ADGRB2: variants seen among roughly 807,000 people sequenced by gnomAD.
ADGRB2 encodes adhesion G protein-coupled receptor B2, also known as brain-specific angiogenesis inhibitor 2.
A neutral mutation model predicts 178.7 loss-of-function variants in ADGRB2; 47 were observed. That is an observed-to-expected ratio of 0.26 (90% CI 0.21 to 0.34). ADGRB2 has a LOEUF of 0.34. Ranked by LOEUF, ADGRB2 falls within the 10% of genes least tolerant of loss-of-function variation. The pLI is 1.00. For missense variants in ADGRB2, 1,584 were observed against 2,180.8 expected (o/e 0.73, Z 5.45); for synonymous variants, 870 against 912.4 (o/e 0.95, Z 0.84).
At chr1:31,731,832 G>C (rs879846673) in intron 28 of ADGRB2, among the ~76,000 whole-genome samples, 1 of 152,160 alleles carries the variant, frequency 6.6e-6, no homozygotes, top group East Asian at 1.9e-4. Flanking sequence ...CTAAGAACTC[G>C]ATGTCCCCGA....
At position 31,735,816 on chromosome 1, in the gene ADGRB2, C is replaced by A; in HGVS notation, c.3267+11G>T. 1.2e-6 allele frequency: 2 copies of A among 1,608,584 alleles called. No individual in the cohort carries two copies. Among genetic ancestry groups the A allele is most frequent in the Non-Finnish European group, 1.7e-6 (2 of 1,177,030 alleles). On this transcript the variant is annotated intron_variant, in intron 23 of 32. Transcript: ENST00000373658. The surrounding 1 kb of genome is among the most constrained non-coding windows in gnomAD (Gnocchi z 6.0). ...GCCATGCCCCTTCCAAGATGCTGAA[C>A]GGGCACATACCAGGACAATGACGGC... is the stretch of plus-strand genomic sequence containing the variant.
Position 31,754,417 on chromosome 1 carries a change from G to A in ADGRB2, c.838+1582C>T, listed in dbSNP as rs147153115. 7.9e-5 allele frequency among the ~76,000 whole-genome samples: 12 copies of A among 152,376 alleles called. No individual in the cohort carries two copies. In the East Asian group the frequency reaches 2.1e-3, roughly 27 times the overall value. ...GCACGATGGGGGAGACCCCCACAGA[G>A]TGACAGGCAGTGGTGGCCATGCAGG... On this transcript the variant is annotated intron_variant, in intron 4 of 32. Transcript: ENST00000373658. This position sits in a 1 kb window ranked among gnomAD's most constrained non-coding sequence, Gnocchi z 5.7.
At position 31,741,862 on chromosome 1, in the gene ADGRB2, T is replaced by C. The variant is rs772910124; in HGVS notation, c.1523A>G (p.Gln508Arg). 3.0e-5 allele frequency: 48 copies of C among 1,610,336 alleles called. No individual in the cohort carries two copies. Among genetic ancestry groups the C allele is most frequent in the Non-Finnish European group, 4.0e-5 (47 of 1,177,468 alleles). The change falls in exon 9 of 33, where the codon CAG becomes CGG. Residue 508 changes from glutamine to arginine, a missense_variant. Gln to Arg is a conservative substitution (Grantham distance 43). Transcript: ENST00000373658. This position sits in a 1 kb window ranked among gnomAD's most constrained non-coding sequence, Gnocchi z 6.5. Reference protein sequence around the residue: ...RFRMCQATGTQGYPCEGTGEE... With the variant: ...RFRMCQATGTRGYPCEGTGEE... ...TCCGGTGCCCTCGCAGGGGTAGCCC[T>C]GCGTGCCCGTGGCCTGGCACATGCG... is the stretch of plus-strand genomic sequence containing the variant.
At chr1:31,736,552 T>G (rs982779423) in intron 21 of ADGRB2, 21 bp downstream of exon 21, 7 of 1,611,762 alleles carry the variant, frequency 4.3e-6, no homozygotes, top group Non-Finnish European at 5.9e-6. Flanking sequence ...AGCAGCAGAG[T>G]CCAGCACTGG....
At chr1:31,748,873 T>TC (rs1470238625) in intron 4 of ADGRB2, among the ~76,000 whole-genome samples, 5 of 152,342 alleles carry the variant, frequency 3.3e-5, no homozygotes, top group Non-Finnish European at 5.9e-5. Flanking sequence ...CATTTCATCC[T>TC]CATCAGGGCT....
At position 31,744,058 on chromosome 1, in the gene ADGRB2, G is replaced by A. The variant is rs1448343820; in HGVS notation, c.1087+135C>T. The A allele has an allele frequency of 1.7e-6, 2 of 1,181,760 alleles. No homozygotes were observed. The highest frequency in any genetic ancestry group is 3.1e-5 in the African/African-American group (2 of 64,242). 73.2% of individuals were successfully genotyped at this position (1,181,760 alleles called of 1,614,324 possible). A position where few individuals can be genotyped will look rare whatever the true frequency, so the allele number is the denominator to read the frequency against. On this transcript the variant is annotated intron_variant, in intron 6 of 32. Transcript: ENST00000373658. The surrounding 1 kb of genome is among the most constrained non-coding windows in gnomAD (Gnocchi z 6.7). ...CGGGCTGGCATGGTACGCAGAGTTG[G>A]GCATGGTGTGGGGAACAGCCACATT...
Position 31,764,307 on chromosome 1 carries a change from C to A in ADGRB2, c.-614G>T. 6.4e-6 allele frequency: 1 copy of A among 155,722 alleles called. No individual in the cohort carries two copies. The highest frequency in any genetic ancestry group is 1.9e-4 in the South Asian group (1 of 5,174). The allele number at this position is 155,722 out of a possible 1,614,324, so 9.6% of individuals were successfully genotyped here. ...GCCGAACCCGGTTCCTCCGGCCGCT[C>A]CGGCCGCTGCCCGCAGCGCGCGCCG... On this transcript the variant is annotated 5_prime_UTR_variant, in exon 1 of 33. Transcript: ENST00000373658. This position sits in a 1 kb window ranked among gnomAD's most constrained non-coding sequence, Gnocchi z 7.3.
rs1160769437 is a variant in ADGRB2, at chr1:31,758,053, G to A, written c.-190-542C>T. ...GGCTGTGTCACTGCCCACAGCCTGC[G>A]CAACCTCTACCCAACTGCCCAGAAA... On this transcript the variant is annotated intron_variant, in intron 1 of 32. Coordinates refer to ENST00000373658, the MANE Select transcript of ADGRB2 (RefSeq NM_001364857.2). This position sits in a 1 kb window ranked among gnomAD's most constrained non-coding sequence, Gnocchi z 4.2. Among the ~76,000 whole-genome samples the A allele has an allele frequency of 2.6e-5, 4 of 152,136 alleles. No individual in the cohort carries two copies. The highest frequency in any genetic ancestry group is 6.5e-5 in the Admixed American group (1 of 15,274).
At position 31,764,191 on chromosome 1, in the gene ADGRB2, C is replaced by T; in HGVS notation, c.-498G>A. 2.7e-6 allele frequency: 1 copy of T among 369,954 alleles called. No homozygotes were observed. The allele number at this position is 369,954 out of a possible 1,614,324, so 22.9% of individuals were successfully genotyped here. A position where few individuals can be genotyped will look rare whatever the true frequency, so the allele number is the denominator to read the frequency against. Reference sequence around the variant, plus strand: ...CCCCGAGCACCGCCCGCGCCGCGCGCCGCCTCCTATTTGCGGGCGGCGGCC... The same window carrying T: ...CCCCGAGCACCGCCCGCGCCGCGCGTCGCCTCCTATTTGCGGGCGGCGGCC... On this transcript the variant is annotated 5_prime_UTR_variant, in exon 1 of 33. Transcript: ENST00000373658. The surrounding 1 kb of genome is among the most constrained non-coding windows in gnomAD (Gnocchi z 7.3).
intron 1 of ADGRB2, among the ~76,000 whole-genome samples, chr1:31,763,114 G>T (rs918874838): frequency 6.6e-6 from 1 of 152,176 alleles, no homozygotes; most frequent in African/African-American, 2.4e-5. Flanking sequence ...AGGGATGGGG[G>T]ATGGACAGAT....
intron 4 of ADGRB2, among the ~76,000 whole-genome samples, chr1:31,745,640 A>G (rs1374709691): frequency 6.6e-6 from 1 of 152,232 alleles, no homozygotes; most frequent in African/African-American, 2.4e-5. Flanking sequence ...CTGCATGAGC[A>G]GGTGGGACTG....
chr1:31,740,913 A>G lies in ADGRB2; in HGVS notation c.1795-372T>C, dbSNP rs1645921461. 6.6e-6 allele frequency among the ~76,000 whole-genome samples: 1 copy of G among 150,752 alleles called. No homozygotes were observed. The highest frequency in any genetic ancestry group is 2.5e-5 in the African/African-American group (1 of 40,726). ...CGCGCGCGCACACACACACACACACACACACACACACACTGTCTTTCTCTC... is the reference window on the plus strand; with the variant it reads ...CGCGCGCGCACACACACACACACACGCACACACACACACTGTCTTTCTCTC... On this transcript the variant is annotated intron_variant, in intron 11 of 32. Coordinates refer to ENST00000373658, the MANE Select transcript of ADGRB2 (RefSeq NM_001364857.2). This position sits in a 1 kb window ranked among gnomAD's most constrained non-coding sequence, Gnocchi z 5.9.
rs555728697 is a variant in ADGRB2 at position 31,759,154 on chromosome 1, T to C, written c.-190-1643A>G. Reference sequence around the variant, plus strand: ...ATGAGGGCACAGATGTTCACAGGAGTTCTGCATATGAATGGATACATATGT... The same window carrying C: ...ATGAGGGCACAGATGTTCACAGGAGCTCTGCATATGAATGGATACATATGT... On this transcript the variant is annotated intron_variant, in intron 1 of 32. Transcript: ENST00000373658. This position sits in a 1 kb window ranked among gnomAD's most constrained non-coding sequence, Gnocchi z 4.3. Among the ~76,000 whole-genome samples, 1 of 152,046 alleles carries C rather than the reference T, an allele frequency of 6.6e-6. No homozygotes were observed. The highest frequency in any genetic ancestry group is 2.1e-4 in the South Asian group (1 of 4,808).
In ADGRB2 at chr1:31,739,341, T is replaced by C. The variant is rs1256786567; in HGVS notation, c.2462A>G (p.Tyr821Cys). The C allele has an allele frequency of 6.8e-7, 1 of 1,465,686 alleles. No individual in the cohort carries two copies. Among genetic ancestry groups the C allele is most frequent in the Non-Finnish European group, 9.0e-7 (1 of 1,106,098 alleles). 90.8% of individuals were successfully genotyped at this position (1,465,686 alleles called of 1,614,324 possible). The change falls in exon 15 of 33, where the codon TAC becomes TGC. Residue 821 changes from tyrosine (Y) to cysteine (C), a missense_variant. Physicochemically the swap from Tyr to Cys is radical, Grantham distance 194. Around this residue, in one of 3 missense-constraint regions of ADGRB2, gnomAD observed 865 missense variants for 1,192.8 expected, o/e 0.73. Transcript: ENST00000373658. Reference protein sequence around the residue: ...SSYFVIGAVLYRTLGLILPPP... With the variant: ...SSYFVIGAVLCRTLGLILPPP... ...CGGCAGGATGAGGCCAAGGGTGCGG[T>C]AGAGTACAGCACCGATCACAAAGTA...
chr1:31,743,403 G>A (rs1004840798), intron 6 of ADGRB2: 34 of 172,192 alleles, frequency 2.0e-4, no homozygotes, highest in African/African-American at 6.7e-4. Flanking sequence ...CAGTCCGGGG[G>A]CAAGAGAAGC....
Position 31,733,122 on chromosome 1 carries a change from G to A in ADGRB2, c.3474C>T (p.Cys1158=), listed in dbSNP as rs1274144556. Residue 1158 remains cysteine (C), a synonymous_variant, in exon 26 of 33, where the codon TGC becomes TGT. Transcript: ENST00000373658. The surrounding 1 kb of genome is among the most constrained non-coding windows in gnomAD (Gnocchi z 4.3). ...RNAMASLWSS[C]VVLPLLALTW... is the part of the protein sequence containing the mutation. ...TGAGCGCCAGCAGGGGCAGCACCAC[G>A]CAGGAGCTCCAGAGTGAGGCCCTGA... 15 of 1,585,582 alleles carry A rather than the reference G, an allele frequency of 9.5e-6. No individual in the cohort carries two copies. Among genetic ancestry groups the A allele is most frequent in the Non-Finnish European group, 1.1e-5 (13 of 1,166,046 alleles).
rs1646139789 is a variant in ADGRB2 at position 31,744,080 on chromosome 1, C to T, written c.1087+113G>A. The T allele has an allele frequency of 3.0e-6, 4 of 1,333,902 alleles. No individual in the cohort carries two copies. In the African/African-American group the frequency reaches 4.5e-5, roughly 15 times the overall value. The allele number at this position is 1,333,902 out of a possible 1,614,324, so 82.6% of individuals were successfully genotyped here. A position where few individuals can be genotyped will look rare whatever the true frequency, so the allele number is the denominator to read the frequency against. ...TTGGGCATGGTGTGGGGAACAGCCA[C>T]ATTTGTTGAATGAAAGGAGGAGGCA... On this transcript the variant is annotated intron_variant, in intron 6 of 32. Transcript: ENST00000373658. The surrounding 1 kb of genome is among the most constrained non-coding windows in gnomAD (Gnocchi z 6.7).
chr1:31,746,389 AGAG>A (rs2148992452), intron 4 of ADGRB2, among the ~76,000 whole-genome samples: 1 of 152,162 alleles, frequency 6.6e-6, no homozygotes, highest in South Asian at 2.1e-4. Context: ...TTGGGACCAC[AGAG>A]GAGGTGGCAG....
rs1407405569 is a variant in ADGRB2 at position 31,764,217 on chromosome 1, G to A, written c.-524C>T. 8.9e-6 allele frequency: 2 copies of A among 223,862 alleles called. No homozygotes were observed. The highest frequency in any genetic ancestry group is 1.5e-5 in the Non-Finnish European group (2 of 137,254). 13.9% of individuals were successfully genotyped at this position (223,862 alleles called of 1,614,324 possible). On this transcript the variant is annotated 5_prime_UTR_variant, in exon 1 of 33. Coordinates refer to ENST00000373658, the MANE Select transcript of ADGRB2 (RefSeq NM_001364857.2). This position sits in a 1 kb window ranked among gnomAD's most constrained non-coding sequence, Gnocchi z 7.3. Reference sequence around the variant, plus strand: ...CGCCTCCTATTTGCGGGCGGCGGCCGCAGCCCCGGGCTCTGAGAGCCGGTG... The same window carrying A: ...CGCCTCCTATTTGCGGGCGGCGGCCACAGCCCCGGGCTCTGAGAGCCGGTG...
Sources: gnomAD v4.1 joint callset for allele counts (sites outside exome capture counted in the v4.1 genomes callset) on GRCh38, gnomAD v4.1.1 for gene constraint, gnomAD v4.1.1 regional missense constraint, Gnocchi (gnomAD v3.1) non-coding constraint, MANE v1.5 for transcripts, NCBI Gene and HGNC (gene_info 2026-07-23, HGNC 2026-07-21) for gene names.